DNAJB13: variants seen among roughly 807,000 people sequenced by gnomAD.
The protein encoded by DNAJB13 is dnaJ homolog subfamily B member 13.
DNAJB13 carries 22 observed loss-of-function variants against 35.6 expected under a neutral mutation model. That is an observed-to-expected ratio of 0.62 (90% CI 0.44 to 0.88). The LOEUF (loss-of-function observed/expected upper bound fraction) is 0.88, where lower values mean the gene tolerates loss of function less well. Among genes scored for constraint, DNAJB13 ranks in the 40% least tolerant of loss-of-function variants. The pLI, the probability that DNAJB13 is intolerant of heterozygous loss-of-function variation, is 0.00. For synonymous variants in DNAJB13, 136 were observed against 144.2 expected, an observed-to-expected ratio of 0.94 and a Z score of 0.41; for missense variants, 370 against 384.3, an observed-to-expected ratio of 0.96 and a Z score of 0.31.
At chr11:73,956,104 G>T (rs897351171) in intron 1 of DNAJB13, among the ~76,000 whole-genome samples, 2 of 152,186 alleles carry the variant, frequency 1.3e-5, no homozygotes, top group African/African-American at 4.8e-5. Flanking sequence ...CAGCACTGGG[G>T]CTAGAACTGG....
chr11:73,961,183 G>T (rs1358714437), intron 3 of DNAJB13, among the ~76,000 whole-genome samples: 1 of 152,176 alleles, frequency 6.6e-6, no homozygotes, highest in Non-Finnish European at 1.5e-5. Flanking sequence ...AGGAGGCTGA[G>T]GTGGGAGAAT....
intron 7 of DNAJB13, 66 bp from the exon 8 acceptor site, chr11:73,969,895 G>T: frequency 6.5e-7 from 1 of 1,538,578 alleles, no homozygotes; most frequent in Admixed American, 1.9e-5. Context: ...GGGGTTATAT[G>T]ACAGGGACCT....
chr11:73,964,632 G>A (rs1951029194), intron 3 of DNAJB13: 1 of 490,192 alleles, frequency 2.0e-6, no homozygotes. Flanking sequence ...AGTGGGAAAT[G>A]GCAAAGGATG....
chr11:73,966,068 T>C, intron 4 of DNAJB13, 70 bp from the exon 5 acceptor site: 1 of 1,411,896 alleles, frequency 7.1e-7, no homozygotes, highest in Non-Finnish European at 9.8e-7. Context: ...TTCATGAAAA[T>C]CTGAGCAAAT....
chr11:73,959,119 T>A (rs1950848493), intron 2 of DNAJB13, among the ~76,000 whole-genome samples: 1 of 152,188 alleles, frequency 6.6e-6, no homozygotes, highest in Non-Finnish European at 1.5e-5. Context: ...TCTTAGCTTC[T>A]AAAATGTCAA....
At chr11:73,955,613 G>T (rs1453005169) in intron 1 of DNAJB13, among the ~76,000 whole-genome samples, 13 of 152,018 alleles carry the variant, frequency 8.6e-5, no homozygotes, top group East Asian at 2.0e-4. Flanking sequence ...GATCACTTGA[G>T]GCCAGGAGTT....
chr11:73,969,326 A>G lies in DNAJB13; in HGVS notation c.797+4A>G. The G allele has an allele frequency of 1.1e-6, 1 of 872,374 alleles. No individual in the cohort carries two copies. Among genetic ancestry groups the G allele is most frequent in the East Asian group, 2.4e-5 (1 of 41,666 alleles). 54.0% of individuals were successfully genotyped at this position (872,374 alleles called of 1,614,324 possible). ...TCCCCATCAATGACATCATCCAGTG[A>G]GTCCATCTGCCTTGGGCCCCAGTAG... On this transcript the variant is annotated splice_donor_region_variant and intron_variant, in intron 7 of 7. Coordinates refer to ENST00000339764, the MANE Select transcript of DNAJB13 (RefSeq NM_153614.4).
rs1425962273 is a variant in DNAJB13 at position 73,951,052 on chromosome 11, A to T, written c.-18A>T. ...GAGTCTGAGGACTATCCAGGGCCTG[A>T]CTGCCAGCTAGCCAGCCATGGGCCA... is the stretch of plus-strand genomic sequence containing the variant. On this transcript the variant is annotated 5_prime_UTR_variant, in exon 1 of 8. Transcript: ENST00000339764. The T allele has an allele frequency of 6.2e-7, 1 of 1,613,724 alleles. No individual in the cohort carries two copies. Among genetic ancestry groups the T allele is most frequent in the Non-Finnish European group, 8.5e-7 (1 of 1,179,890 alleles).
At chr11:73,963,475 G>A (rs974801123) in intron 3 of DNAJB13, among the ~76,000 whole-genome samples, 3 of 152,326 alleles carry the variant, frequency 2.0e-5, no homozygotes, top group Non-Finnish European at 2.9e-5. Context: ...ATCGCTCATT[G>A]GGAAAGGTCA....
chr11:73,964,846 A>G (rs1951057843), intron 3 of DNAJB13, 32 bp from the exon 4 acceptor site: 1 of 1,588,884 alleles, frequency 6.3e-7, no homozygotes, highest in Admixed American at 1.7e-5. Flanking sequence ...TCTGGATACA[A>G]TTTCTCTTAC....
intron 1 of DNAJB13, among the ~76,000 whole-genome samples, chr11:73,954,000 AAATAATAATAATAATAATAAT>A (rs71467812): frequency 2.9e-5 from 4 of 136,472 alleles, no homozygotes; most frequent in African/African-American, 1.1e-4. Flanking sequence ...AATAATAATA[AAATAATAATAATAATAATAAT>A]AATAATAATA....
chr11:73,969,111 ATTAG>A, intron 6 of DNAJB13, 131 bp from the exon 7 acceptor site: 1 of 525,614 alleles, frequency 1.9e-6, no homozygotes. Context: ...TCATTCACCT[ATTAG>A]TTATTGAACA....
At chr11:73,966,845 ATTT>A (rs770257573) in intron 5 of DNAJB13, among the ~76,000 whole-genome samples, 5 of 98,228 alleles carry the variant, frequency 5.1e-5, no homozygotes, top group African/African-American at 1.9e-4. Flanking sequence ...CGCCCAGCTA[ATTT>A]TTTTTTTTTT....
chr11:73,961,196 C>T (rs1326839322), intron 3 of DNAJB13, among the ~76,000 whole-genome samples: 1 of 152,134 alleles, frequency 6.6e-6, no homozygotes, highest in African/African-American at 2.4e-5. Context: ...GGGAGAATCG[C>T]CTGAGCCCAG....
chr11:73,958,273 A>C, intron 1 of DNAJB13, 44 bp from the exon 2 acceptor site: 1 of 1,602,286 alleles, frequency 6.2e-7, no homozygotes, highest in Non-Finnish European at 8.5e-7. Flanking sequence ...CGCCCTCAGA[A>C]ACAGACCAGC....
chr11:73,952,660 G>C (rs532533104), intron 1 of DNAJB13, among the ~76,000 whole-genome samples: 2 of 152,294 alleles, frequency 1.3e-5, no homozygotes, highest in East Asian at 3.9e-4. Context: ...TGACCAGAAG[G>C]ACCCATCCAG....
chr11:73,957,180 C>T (rs1950772247), intron 1 of DNAJB13, among the ~76,000 whole-genome samples: 1 of 152,200 alleles, frequency 6.6e-6, no homozygotes, highest in South Asian at 2.1e-4. Context: ...ATGGAGCCGG[C>T]CCAGGGGAGC....
intron 1 of DNAJB13, among the ~76,000 whole-genome samples, chr11:73,954,970 AAAAT>A (rs1276426605): frequency 4.6e-5 from 7 of 152,120 alleles, no homozygotes; most frequent in South Asian, 4.1e-4. Flanking sequence ...ATAATAAATA[AAAAT>A]AAATAGAGTG....
intron 1 of DNAJB13, among the ~76,000 whole-genome samples, chr11:73,955,173 A>C (rs758660381): frequency 6.6e-6 from 1 of 152,072 alleles, no homozygotes; most frequent in Non-Finnish European, 1.5e-5. Flanking sequence ...TCATAATTGC[A>C]GCGTTCAAGC....
Sources: gnomAD v4.1 joint callset for allele counts (sites outside exome capture counted in the v4.1 genomes callset) on GRCh38, gnomAD v4.1.1 for gene constraint, MANE v1.5 for transcripts, NCBI Gene and HGNC (gene_info 2026-07-23, HGNC 2026-07-21) for gene names.